RAVER2: variants seen among roughly 807,000 people sequenced by gnomAD.
The protein encoded by RAVER2 is ribonucleoprotein, PTB binding 2.
In RAVER2, 46 loss-of-function variants were observed where a neutral mutation model predicts 78.1. The observed-to-expected ratio is 0.59, with a 90% CI of 0.46 to 0.75. The LOEUF is 0.75. RAVER2 is among the 30% of genes least tolerant of loss of function. RAVER2 has a pLI of 0.00. For missense variants in RAVER2, 793 were observed against 837.5 expected (o/e 0.95, Z 0.66); for synonymous variants, 311 against 313.3 (o/e 0.99, Z 0.08).
chr1:64,804,639 T>A (rs1243732602), intron 6 of RAVER2, 95 bp from the exon 7 acceptor site: 3 of 623,604 alleles, frequency 4.8e-6, no homozygotes, highest in Non-Finnish European at 8.6e-6. Flanking sequence ...TTACTTTTAC[T>A]CAGATCGACT....
intron 5 of RAVER2, among the ~76,000 whole-genome samples, chr1:64,794,999 A>G (rs1321231569): frequency 2.0e-5 from 3 of 152,048 alleles, no homozygotes; most frequent in Non-Finnish European, 2.9e-5. Flanking sequence ...AGTTTGTAGT[A>G]TGAGGTAAGA....
chr1:64,790,940 C>T (rs1292743121), intron 5 of RAVER2, among the ~76,000 whole-genome samples: 2 of 152,156 alleles, frequency 1.3e-5, no homozygotes, highest in African/African-American at 4.8e-5. Context: ...CACTTTAGAC[C>T]TAGACACAAG....
At chr1:64,827,393 G>A (rs188715735) in intron 11 of RAVER2, among the ~76,000 whole-genome samples, 30 of 152,262 alleles carry the variant, frequency 2.0e-4, no homozygotes, top group Non-Finnish European at 3.4e-4. Flanking sequence ...AGGGGCCTCC[G>A]TTGAAGTTAT....
At chr1:64,796,895 C>G (rs1653110523) in intron 5 of RAVER2, among the ~76,000 whole-genome samples, 1 of 152,098 alleles carries the variant, frequency 6.6e-6, no homozygotes, top group Admixed American at 6.5e-5. Flanking sequence ...AAATTTCCTT[C>G]TAAGCACTGT....
chr1:64,782,951 G>T (rs1337320910), intron 4 of RAVER2, among the ~76,000 whole-genome samples: 1 of 152,010 alleles, frequency 6.6e-6, no homozygotes. Context: ...TCATTGTTCA[G>T]TTCCCACCTA....
At chr1:64,775,419 T>A (rs1206231681) in intron 2 of RAVER2, among the ~76,000 whole-genome samples, 3 of 152,228 alleles carry the variant, frequency 2.0e-5, no homozygotes, top group African/African-American at 7.2e-5. Context: ...GAAAGGGATC[T>A]TACCTGTTCT....
chr1:64,829,765 A>C (rs872800), intron 11 of RAVER2, among the ~76,000 whole-genome samples: 1 of 152,198 alleles, frequency 6.6e-6, no homozygotes. Context: ...TTCTTTGCCC[A>C]TCAGCTTCAC....
rs369665585 is a variant in RAVER2 at position 64,770,733 on chromosome 1, A to G, written c.316+2011A>G. On this transcript the variant is annotated intron_variant, in intron 2 of 11. Coordinates refer to ENST00000294428, the Ensembl canonical transcript of RAVER2. ...AGTAAAGATTGAACATGGTAAATAG[A>G]GACTTGGAAGATATAAAATATCCAA... 2.4e-3 allele frequency among the ~76,000 whole-genome samples: 363 copies of G among 152,170 alleles called. 4 individuals carry two copies. Among genetic ancestry groups the G allele is most frequent in the African/African-American group, 8.4e-3 (348 of 41,556 alleles).
At chr1:64,805,738 A>G (rs1490094739) in intron 8 of RAVER2, among the ~76,000 whole-genome samples, 1 of 152,210 alleles carries the variant, frequency 6.6e-6, no homozygotes, top group Non-Finnish European at 1.5e-5. Flanking sequence ...AGGGCCACCA[A>G]TAATTTAAAA....
At chr1:64,770,944 A>G (rs1652299264) in intron 2 of RAVER2, among the ~76,000 whole-genome samples, 1 of 151,978 alleles carries the variant, frequency 6.6e-6, no homozygotes. Context: ...GAACTGTGGG[A>G]CAGCTTCAAG....
intron 6 of RAVER2, among the ~76,000 whole-genome samples, chr1:64,803,726 T>G (rs1653334036): frequency 6.6e-6 from 1 of 152,212 alleles, no homozygotes; most frequent in South Asian, 2.1e-4. Flanking sequence ...TTATAGAGTT[T>G]TTATTCATTC....
At chr1:64,787,747 G>A (rs1312159539) in intron 4 of RAVER2, among the ~76,000 whole-genome samples, 1 of 152,152 alleles carries the variant, frequency 6.6e-6, no homozygotes, top group Non-Finnish European at 1.5e-5. Flanking sequence ...CACTGTCCTG[G>A]CCAAGAAAGC....
chr1:64,751,943 A>G (rs527269646), intron 1 of RAVER2, among the ~76,000 whole-genome samples: 27 of 152,292 alleles, frequency 1.8e-4, no homozygotes, highest in African/African-American at 6.3e-4. Flanking sequence ...TAATTACACA[A>G]TTGCCTGACT....
rs535686938 is a variant in RAVER2, at chr1:64,759,741, C to T, written c.250-8915C>T. ...CTGTGTTAGCCAGGATGGTCTCGAT[C>T]TCCTGACCGCATGATCCACCCGCCT... is the stretch of plus-strand genomic sequence containing the variant. On this transcript the variant is annotated intron_variant, in intron 1 of 11. Coordinates refer to ENST00000294428, the Ensembl canonical transcript of RAVER2. Among the ~76,000 whole-genome samples, 76 of 152,200 alleles carry T rather than the reference C, an allele frequency of 5.0e-4. No individual in the cohort carries two copies. The East Asian group carries it at 9.3e-3, about 19-fold the overall frequency.
At chr1:64,755,763 A>G (rs1049582572) in intron 1 of RAVER2, among the ~76,000 whole-genome samples, 1 of 132,038 alleles carries the variant, frequency 7.6e-6, no homozygotes, top group African/African-American at 3.0e-5. Flanking sequence ...TGTAGCCAGA[A>G]CTAGAGTAGA....
intron 11 of RAVER2, among the ~76,000 whole-genome samples, chr1:64,828,808 A>G (rs1010626679): frequency 1.3e-5 from 2 of 152,220 alleles, no homozygotes; most frequent in Middle Eastern, 3.2e-3. Context: ...TCTGATAATT[A>G]ATAAACTGCA....
intron 1 of RAVER2, among the ~76,000 whole-genome samples, chr1:64,762,992 G>A (rs575935997): frequency 6.6e-6 from 1 of 152,302 alleles, no homozygotes; most frequent in East Asian, 1.9e-4. Flanking sequence ...TTTGACAAAG[G>A]AGACTGATAT....
intron 4 of RAVER2, among the ~76,000 whole-genome samples, chr1:64,788,121 G>A (rs992291155): frequency 6.6e-6 from 1 of 152,188 alleles, no homozygotes; most frequent in African/African-American, 2.4e-5. Context: ...TTGCATGTAT[G>A]TAAGGCCAGC....
rs1651505395 is a variant in RAVER2, at chr1:64,745,541, G to C, written c.249+120G>C. The C allele has an allele frequency of 4.0e-6, 5 of 1,251,188 alleles. No homozygotes were observed. The highest frequency in any genetic ancestry group is 5.2e-6 in the Non-Finnish European group (5 of 964,228). 77.5% of individuals were successfully genotyped at this position (1,251,188 alleles called of 1,614,324 possible). On this transcript the variant is annotated intron_variant, in intron 1 of 11. Coordinates refer to ENST00000294428, the Ensembl canonical transcript of RAVER2. The surrounding 1 kb of genome is among the most constrained non-coding windows in gnomAD (Gnocchi z 4.3). ...GGGGAGTGGGTCGGCGCCGAGTGGT[G>C]AGAGCGGCCCCTCGGTTTGACTGAG...
Sources: gnomAD v4.1 joint callset for allele counts (sites outside exome capture counted in the v4.1 genomes callset) on GRCh38, gnomAD v4.1.1 for gene constraint, Gnocchi (gnomAD v3.1) non-coding constraint, MANE v1.5 for transcripts, NCBI Gene and HGNC (gene_info 2026-07-23, HGNC 2026-07-21) for gene names.